Variants in COL22A1 observed in about 807,000 individuals in gnomAD.
The protein encoded by COL22A1 is collagen alpha-1(XXII) chain.
A neutral mutation model predicts 248.9 loss-of-function variants in COL22A1; 221 were observed. That is an observed-to-expected ratio of 0.89 (90% confidence interval 0.80 to 0.99). COL22A1 has a LOEUF of 0.99. COL22A1 is among the 50% of genes least tolerant of loss of function. The pLI is 0.00. For missense variants in COL22A1, 2,240 were observed against 2,179.0 expected (o/e 1.03, Z -0.56); for synonymous variants, 891 against 793.4 (o/e 1.12, Z -2.07).
chr8:138,685,323 A>G lies in COL22A1; in HGVS notation c.2863-11T>C, dbSNP rs1334847543. The G allele has an allele frequency of 6.2e-7, 1 of 1,609,262 alleles. No individual in the cohort carries two copies. Among genetic ancestry groups the G allele is most frequent in the African/African-American group, 1.3e-5 (1 of 74,788 alleles). ...TTCCCCCGCTGCACCCTGGAAAGAA[A>G]AGTAGACATTTCCCAGGGTCAATTA... is the stretch of plus-strand genomic sequence containing the variant. On this transcript the variant is annotated splice_polypyrimidine_tract_variant and intron_variant, in intron 37 of 64. Transcript: ENST00000303045.
chr8:138,798,313 T>C (rs73362886), intron 11 of COL22A1, among the ~76,000 whole-genome samples: 5,642 of 151,940 alleles, frequency 0.037, 250 homozygotes, highest in African/African-American at 0.11. Flanking sequence ...TTAGTTTTTG[T>C]TTTCTACAGG....
chr8:138,595,790 C>T (rs554970027), intron 62 of COL22A1, among the ~76,000 whole-genome samples: 9 of 152,164 alleles, frequency 5.9e-5, no homozygotes, highest in Non-Finnish European at 1.2e-4. Flanking sequence ...GAGACATGAT[C>T]ATGTGAATAA....
intron 10 of COL22A1, among the ~76,000 whole-genome samples, chr8:138,803,917 G>C (rs1169162906): frequency 2.0e-5 from 3 of 152,090 alleles, no homozygotes; most frequent in Non-Finnish European, 4.4e-5. Context: ...GCCCTTCCCT[G>C]CCTCCTTTGT....
intron 52 of COL22A1, among the ~76,000 whole-genome samples, chr8:138,622,647 T>C (rs1203389901): frequency 1.3e-5 from 2 of 152,164 alleles, no homozygotes; most frequent in Non-Finnish European, 2.9e-5. Context: ...TATGGAGTCT[T>C]CCAGAGTTCC....
chr8:138,817,811 A>C (rs1168335312), intron 7 of COL22A1, among the ~76,000 whole-genome samples: 1 of 152,164 alleles, frequency 6.6e-6, no homozygotes, highest in Non-Finnish European at 1.5e-5. Context: ...TTCACATATG[A>C]TACAGCATTT....
intron 45 of COL22A1, among the ~76,000 whole-genome samples, chr8:138,655,584 C>T (rs1419237276): frequency 3.3e-5 from 5 of 152,126 alleles, no homozygotes; most frequent in Admixed American, 3.3e-4. Context: ...CCAGGTTGGT[C>T]TTAAACTCCT....
Position 138,721,133 on chromosome 8 carries a change from C to T in COL22A1, c.2302-341G>A, listed in dbSNP as rs79055845. Among the ~76,000 whole-genome samples, 1,082 of 152,140 alleles carry T rather than the reference C, an allele frequency of 7.1e-3. 13 individuals are homozygous for T. Among genetic ancestry groups the T allele is most frequent in the African/African-American group, 0.024 (1,013 of 41,494 alleles). ...AGCCATGATCCTTTGTCTCAAAAGA[C>T]GGGAAAGAAAAAAATTCACAATATT... On this transcript the variant is annotated intron_variant, in intron 26 of 64. Coordinates refer to ENST00000303045, the MANE Select transcript of COL22A1 (RefSeq NM_152888.3).
chr8:138,760,589 G>A (rs1586673187), intron 17 of COL22A1, among the ~76,000 whole-genome samples: 1 of 151,990 alleles, frequency 6.6e-6, no homozygotes, highest in South Asian at 2.1e-4. Context: ...TGGGCAAGAG[G>A]AAGAAGAAGC....
At chr8:138,694,340 G>A (rs895927135) in intron 34 of COL22A1, among the ~76,000 whole-genome samples, 168 bp downstream of exon 34, 2 of 152,160 alleles carry the variant, frequency 1.3e-5, no homozygotes, top group Non-Finnish European at 2.9e-5. Context: ...CTGTGTCTGG[G>A]GCGTTTAGTG....
intron 44 of COL22A1, among the ~76,000 whole-genome samples, chr8:138,659,252 G>T (rs547158312): frequency 2.6e-5 from 4 of 152,186 alleles, no homozygotes; most frequent in Non-Finnish European, 4.4e-5. Flanking sequence ...TCAGTGAGAA[G>T]TTTCAGGACC....
chr8:138,806,027 TGGTTGTGTGTGTGATGGTGTAG>T (rs1817606376), intron 10 of COL22A1, among the ~76,000 whole-genome samples: 13 of 100,544 alleles, frequency 1.3e-4, no homozygotes, highest in African/African-American at 2.5e-4. Context: ...TAATGGTGTG[TGGTTGTGTGTGTGATGGTGTAG>T]GTAATGGTGT....
rs1819617927 is a variant in COL22A1 at position 138,826,771 on chromosome 8, G to A, written c.856C>T (p.Pro286Ser). The A allele has an allele frequency of 1.2e-6, 2 of 1,614,112 alleles. No homozygotes were observed. Among genetic ancestry groups the A allele is most frequent in the African/African-American group, 2.7e-5 (2 of 75,054 alleles). Residue 286 changes from proline to serine, a missense_variant, in exon 6 of 65, where the codon CCC (proline) becomes TCC (serine). By Grantham distance (74) the Pro-to-Ser change is moderately conservative. Coordinates refer to ENST00000303045, the MANE Select transcript of COL22A1 (RefSeq NM_152888.3). ...GCGTACTCATCAGGTAAACCTTGGGGGAACACATCCCTGGAGAAAAATGGA... is the reference window on the plus strand; with the variant it reads ...GCGTACTCATCAGGTAAACCTTGGGAGAACACATCCCTGGAGAAAAATGGA... Reference protein sequence around the residue: ...PVVQSTEDVFPQGLPDEYAFV... With the variant: ...PVVQSTEDVFSQGLPDEYAFV...
intron 31 of COL22A1, among the ~76,000 whole-genome samples, chr8:138,702,392 T>C (rs901738896): frequency 6.6e-6 from 1 of 152,176 alleles, no homozygotes; most frequent in Non-Finnish European, 1.5e-5. Context: ...ATGATTTCGG[T>C]GTGATGAAAA....
intron 49 of COL22A1, among the ~76,000 whole-genome samples, chr8:138,632,646 T>A (rs1449475711): frequency 6.6e-6 from 1 of 152,184 alleles, no homozygotes; most frequent in African/African-American, 2.4e-5. Flanking sequence ...TGGTCTTGGA[T>A]CTCAAGGAAA....
At chr8:138,659,329 G>T (rs999465983) in intron 44 of COL22A1, among the ~76,000 whole-genome samples, 25 of 152,114 alleles carry the variant, frequency 1.6e-4, no homozygotes, top group African/African-American at 5.8e-4. Flanking sequence ...AAGGGATGGG[G>T]GGTCATCCAC....
chr8:138,862,372 C>A (rs554173302), intron 3 of COL22A1, among the ~76,000 whole-genome samples: 6 of 152,152 alleles, frequency 3.9e-5, no homozygotes, highest in Non-Finnish European at 7.3e-5. Flanking sequence ...AGTCCTCTAC[C>A]GCTTTTGTGT....
chr8:138,602,277 G>A, intron 59 of COL22A1, 118 bp from the exon 60 acceptor site: 3 of 1,106,388 alleles, frequency 2.7e-6, no homozygotes, highest in Non-Finnish European at 4.0e-6. Context: ...AAAAGATAAG[G>A]TCCCCCGAGG....
chr8:138,681,426 A>G (rs1554746225), intron 39 of COL22A1, among the ~76,000 whole-genome samples: 1 of 152,148 alleles, frequency 6.6e-6, no homozygotes, highest in Non-Finnish European at 1.5e-5. Flanking sequence ...AGGGGAAAAA[A>G]GGTCTCCTAC....
At chr8:138,760,773 G>A (rs931258045) in intron 17 of COL22A1, among the ~76,000 whole-genome samples, 1 of 152,166 alleles carries the variant, frequency 6.6e-6, no homozygotes, top group Non-Finnish European at 1.5e-5. Context: ...GAAGTCTGGT[G>A]CAGAGGATGC....
Sources: gnomAD v4.1 joint callset for allele counts (sites outside exome capture counted in the v4.1 genomes callset) on GRCh38, gnomAD v4.1.1 for gene constraint, MANE v1.5 for transcripts, NCBI Gene and HGNC (gene_info 2026-07-23, HGNC 2026-07-21) for gene names.